MAMDC2: variants seen among roughly 807,000 people sequenced by gnomAD.
The protein encoded by MAMDC2 is MAM domain containing 2.
In MAMDC2, 57 loss-of-function variants were observed where a neutral mutation model predicts 89.8. The ratio of observed to expected loss-of-function variants is 0.63; its 90% CI spans 0.51 to 0.79. The LOEUF is 0.79. MAMDC2 is among the 30% of genes least tolerant of loss of function. The pLI is 0.00. For synonymous variants in MAMDC2, 313 were observed against 293.4 expected (o/e 1.07, Z -0.68); for missense variants, 800 against 820.6 (o/e 0.97, Z 0.31).
intron 9 of MAMDC2, among the ~76,000 whole-genome samples, chr9:70,164,535 A>C (rs2032101309): frequency 1.3e-5 from 2 of 152,280 alleles, no homozygotes; most frequent in Middle Eastern, 3.4e-3. Flanking sequence ...GGAGACATTG[A>C]TTTACATAAA....
At chr9:70,136,620 A>G (rs929687397) in intron 7 of MAMDC2, among the ~76,000 whole-genome samples, 4 of 152,042 alleles carry the variant, frequency 2.6e-5, no homozygotes, top group African/African-American at 4.8e-5. Flanking sequence ...TCCCCTCTCT[A>G]GCTGGGACAA....
chr9:70,109,709 A>G lies in MAMDC2; in HGVS notation c.421-11A>G. On this transcript the variant is annotated splice_polypyrimidine_tract_variant and intron_variant, in intron 3 of 13. Coordinates refer to ENST00000377182, the MANE Select transcript of MAMDC2 (RefSeq NM_153267.5). Reference sequence around the variant, plus strand: ...AAGTCTAACTCCCCTTCTTCCCCATATGTTGTGCAGATTTTAATAGAAGGT... The same window carrying G: ...AAGTCTAACTCCCCTTCTTCCCCATGTGTTGTGCAGATTTTAATAGAAGGT... The G allele has an allele frequency of 6.2e-7, 1 of 1,604,476 alleles. No homozygotes were observed.
intron 2 of MAMDC2, among the ~76,000 whole-genome samples, chr9:70,054,840 C>G (rs1826992159): frequency 6.6e-6 from 1 of 152,036 alleles, no homozygotes; most frequent in Non-Finnish European, 1.5e-5. Flanking sequence ...AATTTTATTT[C>G]TACTGTAAAT....
rs1828451934 is a variant in MAMDC2, at chr9:70,109,737, A to G, written c.438A>G (p.Val146=). ...SKKFKILIEG[V]LGQGNTASIA... is the part of the protein sequence containing the mutation. ...TTGTGCAGATTTTAATAGAAGGTGT[A>G]CTAGGACAGGGAAACACAGCCAGCA... The change falls in exon 4 of 14, where the codon GTA becomes GTG. Residue 146 remains valine, a synonymous_variant. Transcript: ENST00000377182. 1 of 1,613,826 alleles carries G rather than the reference A, an allele frequency of 6.2e-7. No homozygotes were observed. The highest frequency in any genetic ancestry group is 8.5e-7 in the Non-Finnish European group (1 of 1,179,694).
intron 2 of MAMDC2, among the ~76,000 whole-genome samples, chr9:70,048,483 G>A (rs1461955673): frequency 6.6e-6 from 1 of 152,118 alleles, no homozygotes; most frequent in Admixed American, 6.5e-5. Context: ...ATTTTTAGTA[G>A]AGATGGGATT....
intron 7 of MAMDC2, among the ~76,000 whole-genome samples, chr9:70,135,871 C>G (rs920625137): frequency 1.3e-5 from 2 of 152,110 alleles, no homozygotes; most frequent in Non-Finnish European, 2.9e-5. Flanking sequence ...TATATCCAGG[C>G]CAGGCATGGT....
chr9:70,057,600 A>C (rs1247393568), intron 2 of MAMDC2, among the ~76,000 whole-genome samples: 1 of 152,242 alleles, frequency 6.6e-6, no homozygotes, highest in Non-Finnish European at 1.5e-5. Flanking sequence ...GTCATAAAAT[A>C]AGTTTGGACA....
At chr9:70,169,368 C>T (rs2032265046) in intron 10 of MAMDC2, among the ~76,000 whole-genome samples, 2 of 152,206 alleles carry the variant, frequency 1.3e-5, no homozygotes, top group Non-Finnish European at 2.9e-5. Flanking sequence ...AATCATTGAT[C>T]TGTATCTGCT....
chr9:70,100,544 A>G (rs2997699), intron 2 of MAMDC2, among the ~76,000 whole-genome samples: 9,742 of 152,264 alleles, frequency 0.064, 989 homozygotes, highest in African/African-American at 0.21. Context: ...AGCTCTAAAC[A>G]AAAGACAGAC....
chr9:70,192,738 A>AT (rs145086954), intron 11 of MAMDC2, among the ~76,000 whole-genome samples: 7,108 of 152,214 alleles, frequency 0.047, 202 homozygotes, highest in South Asian at 0.073. Flanking sequence ...ATTCAGTACC[A>AT]TTTTGATAGT....
intron 11 of MAMDC2, among the ~76,000 whole-genome samples, chr9:70,205,082 G>A (rs192990330): frequency 9.3e-4 from 141 of 152,238 alleles, no homozygotes; most frequent in African/African-American, 3.2e-3. Flanking sequence ...GCTCCTCCCC[G>A]CTTATTTTTT....
chr9:70,082,021 C>T (rs2118133183), intron 2 of MAMDC2: 1 of 152,270 alleles, frequency 6.6e-6, no homozygotes, highest in Non-Finnish European at 1.5e-5. Flanking sequence ...CCTGCCTGGA[C>T]AGAACAGACT....
intron 2 of MAMDC2, 137 bp from the exon 3 acceptor site, chr9:70,108,074 G>C: frequency 1.3e-6 from 1 of 793,184 alleles, no homozygotes; most frequent in Non-Finnish European, 1.9e-6. Flanking sequence ...GTGATCCAGT[G>C]TTCAGGCAAC....
At chr9:70,148,699 A>C (rs1234566384) in intron 9 of MAMDC2, among the ~76,000 whole-genome samples, 1 of 149,190 alleles carries the variant, frequency 6.7e-6, no homozygotes, top group African/African-American at 2.5e-5. Context: ...GTTGGAGACC[A>C]GCCTAGCCAA....
chr9:70,129,249 C>T (rs2030691885), intron 6 of MAMDC2, among the ~76,000 whole-genome samples: 1 of 152,140 alleles, frequency 6.6e-6, no homozygotes, highest in South Asian at 2.1e-4. Flanking sequence ...GAATAAGTCT[C>T]ATAAGATCTG....
At chr9:70,168,905 T>C (rs1050475508) in intron 10 of MAMDC2, 110 bp downstream of exon 10, 16 of 907,614 alleles carry the variant, frequency 1.8e-5, no homozygotes, top group Non-Finnish European at 2.7e-5. Flanking sequence ...TTTGCTTTTG[T>C]TGACAAAGTG....
chr9:70,045,817 A>G (rs1826736691), intron 2 of MAMDC2, among the ~76,000 whole-genome samples: 1 of 152,236 alleles, frequency 6.6e-6, no homozygotes, highest in Non-Finnish European at 1.5e-5. Flanking sequence ...AGTGTCACTG[A>G]GTGGCTAACT....
chr9:70,151,614 A>G (rs755564108), intron 9 of MAMDC2, among the ~76,000 whole-genome samples: 5 of 152,174 alleles, frequency 3.3e-5, no homozygotes, highest in Non-Finnish European at 5.9e-5. Context: ...CTTTTAGTGC[A>G]GGGTATCTTT....
intron 12 of MAMDC2, among the ~76,000 whole-genome samples, chr9:70,224,659 G>A: frequency 6.6e-6 from 1 of 152,090 alleles, no homozygotes; most frequent in East Asian, 1.9e-4. Flanking sequence ...ATTGGGTGAG[G>A]ACAGATCTTC....
Sources: allele counts gnomAD v4.1 joint callset (sites outside exome capture counted in the v4.1 genomes callset), GRCh38; gene constraint gnomAD v4.1.1; transcripts MANE v1.5; gene names NCBI Gene and HGNC (gene_info 2026-07-23, HGNC 2026-07-21).